The following NRDE2 variants were observed in gnomAD, a reference collection of about 807,000 sequenced individuals.
The protein encoded by NRDE2 is nuclear exosome regulator NRDE2.
NRDE2 carries 76 observed loss-of-function variants against 124.2 expected under a neutral mutation model. The ratio of observed to expected loss-of-function variants is 0.61; its 90% confidence interval spans 0.51 to 0.74. NRDE2 has a LOEUF of 0.74. Ranked by LOEUF, NRDE2 falls within the 30% of genes least tolerant of loss-of-function variation. NRDE2 has a pLI of 0.00. For missense variants in NRDE2, 1,314 were observed against 1,417.3 expected (o/e 0.93, Z 1.17); for synonymous variants, 489 against 528.1 (o/e 0.93, Z 1.01).
rs528016341 is a variant in NRDE2, at chr14:90,290,362, C to T, written c.2088G>A (p.Leu696=). 7 of 1,614,122 alleles carry T rather than the reference C, an allele frequency of 4.3e-6. No individual in the cohort carries two copies. In the South Asian group the frequency reaches 6.6e-5, roughly 15 times the overall value. The change falls in exon 10 of 14, where the codon TTG becomes TTA. Residue 696 remains leucine (L), a synonymous_variant. Coordinates refer to ENST00000354366, the MANE Select transcript of NRDE2 (RefSeq NM_017970.4). ...GACCCCTGGTCCAGCGAGGATAGCC[C>T]AACCTATCCATGCGGCCAACACAGC... ...GASCVGRMDR[L]GYPRWTRGQN...
chr14:90,327,683 C>A (rs1264172253), intron 1 of NRDE2, among the ~76,000 whole-genome samples: 2 of 152,224 alleles, frequency 1.3e-5, no homozygotes, highest in Admixed American at 6.5e-5. Flanking sequence ...ACCCCCAACT[C>A]ATTATTCTGA....
At position 90,299,660 on chromosome 14, in the gene NRDE2, G is replaced by A. The variant is rs115558006; in HGVS notation, c.1546-1280C>T. On this transcript the variant is annotated intron_variant, in intron 7 of 13. Transcript: ENST00000354366. Reference sequence around the variant, plus strand: ...CTGGGCAATGCCACACACGCCTGGAGGAGTATTGCCTCCAGGAGAGTCACG... The same window carrying A: ...CTGGGCAATGCCACACACGCCTGGAAGAGTATTGCCTCCAGGAGAGTCACG... 4.0e-3 allele frequency among the ~76,000 whole-genome samples: 606 copies of A among 152,288 alleles called. 5 individuals are homozygous for A. Among genetic ancestry groups the A allele is most frequent in the African/African-American group, 0.014 (591 of 41,556 alleles).
chr14:90,271,830 A>G lies in NRDE2; in HGVS notation c.*6506T>C, dbSNP rs1891673351. On this transcript the variant is annotated 3_prime_UTR_variant, in exon 14 of 14. Coordinates refer to ENST00000354366, the MANE Select transcript of NRDE2 (RefSeq NM_017970.4). ...CTTAAAACATTTTTTTTAAAAATCA[A>G]ATCTTTCCCAAATAAGCAATTTGTG... The G allele has an allele frequency of 6.5e-6, 1 of 152,810 alleles. No individual in the cohort carries two copies. The highest frequency in any genetic ancestry group is 2.0e-4 in the South Asian group (1 of 5,066). 9.5% of individuals were successfully genotyped at this position (152,810 alleles called of 1,614,324 possible).
At chr14:90,331,558 C>T (rs1385200261) in intron 1 of NRDE2, among the ~76,000 whole-genome samples, 1 of 152,188 alleles carries the variant, frequency 6.6e-6, no homozygotes, top group Non-Finnish European at 1.5e-5. Context: ...AACTGAGGCT[C>T]GAAAAGAAGA....
intron 9 of NRDE2, among the ~76,000 whole-genome samples, chr14:90,290,967 C>T (rs950231191): frequency 6.6e-6 from 1 of 152,190 alleles, no homozygotes; most frequent in Non-Finnish European, 1.5e-5. Flanking sequence ...TGCTTTTGTA[C>T]TTTGATAACG....
chr14:90,319,511 C>T lies in NRDE2; in HGVS notation c.65-1398G>A, dbSNP rs937148645. Reference sequence around the variant, plus strand: ...ACCTCCTGTTTCCCTGCCCCGCCCACCTCACCCCTAGCCAAACACTAACCT... The same window carrying T: ...ACCTCCTGTTTCCCTGCCCCGCCCATCTCACCCCTAGCCAAACACTAACCT... On this transcript the variant is annotated intron_variant, in intron 1 of 13. Coordinates refer to ENST00000354366, the MANE Select transcript of NRDE2 (RefSeq NM_017970.4). Among the ~76,000 whole-genome samples, 8 of 152,254 alleles carry T rather than the reference C, an allele frequency of 5.3e-5. No homozygotes were observed. The East Asian group carries it at 1.5e-3, about 29-fold the overall frequency.
chr14:90,324,673 CAAAAA>C (rs35515329), intron 1 of NRDE2, among the ~76,000 whole-genome samples: 2 of 65,978 alleles, frequency 3.0e-5, no homozygotes, highest in African/African-American at 1.2e-4. Flanking sequence ...GCTCCGTCTC[CAAAAA>C]AAAAAAAAAA....
chr14:90,322,689 CAAGA>C (rs969643940), intron 1 of NRDE2, among the ~76,000 whole-genome samples: 33 of 152,260 alleles, frequency 2.2e-4, no homozygotes, highest in Middle Eastern at 3.4e-3. Flanking sequence ...TAGTGGGGAA[CAAGA>C]AAGGTTCTGC....
At chr14:90,307,806 T>C (rs571074996) in intron 4 of NRDE2, among the ~76,000 whole-genome samples, 34 of 152,314 alleles carry the variant, frequency 2.2e-4, no homozygotes, top group African/African-American at 7.9e-4. Context: ...TGATGCAATA[T>C]AGCTCACTGC....
chr14:90,272,575 G>T lies in NRDE2; in HGVS notation c.*5761C>A, dbSNP rs984547396. ...GTAAGTGCCCATTGGGTGGCCTGTTGGTCACTGTGCAGCAGTCTGCTTCCC... is the reference window on the plus strand; with the variant it reads ...GTAAGTGCCCATTGGGTGGCCTGTTTGTCACTGTGCAGCAGTCTGCTTCCC... On this transcript the variant is annotated 3_prime_UTR_variant, in exon 14 of 14. Transcript: ENST00000354366. The surrounding 1 kb of genome is among the most constrained non-coding windows in gnomAD (Gnocchi z 4.5). The T allele has an allele frequency of 3.7e-5, 21 of 567,322 alleles. No homozygotes were observed. The South Asian group carries it at 4.7e-4, about 13-fold the overall frequency. 35.1% of individuals were successfully genotyped at this position (567,322 alleles called of 1,614,324 possible).
At chr14:90,289,246 T>A in intron 10 of NRDE2, 101 bp from the exon 11 acceptor site, 1 of 915,666 alleles carries the variant, frequency 1.1e-6, no homozygotes, top group African/African-American at 1.7e-5. Context: ...GCGTCTACGC[T>A]TCCTCCCTTT....
At chr14:90,288,128 G>T in intron 11 of NRDE2, 89 bp downstream of exon 11, 1 of 1,240,044 alleles carries the variant, frequency 8.1e-7, no homozygotes, top group Non-Finnish European at 1.1e-6. Context: ...GTTCATCCCT[G>T]TCTTCCTGAG....
chr14:90,290,137 G>A, intron 10 of NRDE2, 84 bp downstream of exon 10: 1 of 1,415,970 alleles, frequency 7.1e-7, no homozygotes, highest in Non-Finnish European at 9.6e-7. Context: ...TCCAGGGAGA[G>A]CACTCGGAGG....
At chr14:90,316,832 T>A in intron 2 of NRDE2, 21 bp from the exon 3 acceptor site, 2 of 1,471,362 alleles carry the variant, frequency 1.4e-6, no homozygotes, top group Non-Finnish European at 1.9e-6. Flanking sequence ...AAATCAACTT[T>A]AAAATTACTT....
Position 90,274,838 on chromosome 14 carries a change from A to ACACACCCCCCC in NRDE2, c.*3497_*3498insGGGGGGGTGTG, listed in dbSNP as rs1491397403. ...CACACACACACACACACACACACAC[A>ACACACCCCCCC]CCCCAATACATATGAATTGATCTGA... On this transcript the variant is annotated 3_prime_UTR_variant, in exon 14 of 14. Coordinates refer to ENST00000354366, the MANE Select transcript of NRDE2 (RefSeq NM_017970.4). The ACACACCCCCCC allele has an allele frequency of 8.9e-5, 6 of 67,182 alleles. No homozygotes were observed. Among genetic ancestry groups the ACACACCCCCCC allele is most frequent in the Non-Finnish European group, 1.9e-4 (6 of 31,316 alleles). 4.2% of individuals were successfully genotyped at this position (67,182 alleles called of 1,614,324 possible). A position where few individuals can be genotyped will look rare whatever the true frequency, so the allele number is the denominator to read the frequency against.
At chr14:90,312,691 A>C in intron 3 of NRDE2, 148 bp from the exon 4 acceptor site, 1 of 746,334 alleles carries the variant, frequency 1.3e-6, no homozygotes, top group Non-Finnish European at 2.2e-6. Context: ...TACATGTGCC[A>C]CAGAGATGGA....
At chr14:90,289,543 G>A (rs866038781) in intron 10 of NRDE2, among the ~76,000 whole-genome samples, 3 of 152,208 alleles carry the variant, frequency 2.0e-5, no homozygotes, top group Non-Finnish European at 4.4e-5. Flanking sequence ...AGCTGATCCA[G>A]ACTCATTTCT....
In NRDE2 at chr14:90,303,056, G is replaced by T. The variant is rs1226413498; in HGVS notation, c.1075C>A (p.Leu359Met). 3 of 1,613,890 alleles carry T rather than the reference G, an allele frequency of 1.9e-6. No individual in the cohort carries two copies. The Admixed American group carries it at 5.0e-5, about 27-fold the overall frequency. ...EGEQEKRKRS[L>M]KLILEKKLAI... The stretch of plus-strand genomic sequence containing the variant: ...AGCTTCTTCTCCAGAATGAGCTTCA[G>T]GGACCTCTTTCGCTTTTCCTGCTCT... The change falls in exon 6 of 14, where the codon CTG (leucine) becomes ATG (methionine). Residue 359 changes from leucine to methionine, a missense_variant. By Grantham distance (15) the Leu-to-Met change is conservative (BLOSUM62 2). Coordinates refer to ENST00000354366, the MANE Select transcript of NRDE2 (RefSeq NM_017970.4).
chr14:90,293,797 T>C (rs1892338237), intron 8 of NRDE2, among the ~76,000 whole-genome samples: 2 of 152,150 alleles, frequency 1.3e-5, no homozygotes, highest in East Asian at 1.9e-4. Context: ...TCTGAACATG[T>C]AGAAGGGAAG....
Sources: allele counts gnomAD v4.1 joint callset (sites outside exome capture counted in the v4.1 genomes callset), GRCh38; gene constraint gnomAD v4.1.1; non-coding constraint Gnocchi (gnomAD v3.1); transcripts MANE v1.5; gene names NCBI Gene and HGNC (gene_info 2026-07-23, HGNC 2026-07-21).